Variants in TMEM50B observed in about 807,000 individuals in gnomAD.
The protein encoded by TMEM50B is HCV p7-trans-regulated protein 3.
In TMEM50B, 14 loss-of-function variants were observed where a neutral mutation model predicts 23.4. That is an observed-to-expected ratio of 0.60 (90% CI 0.39 to 0.93). The LOEUF (loss-of-function observed/expected upper bound fraction) is 0.93. Among genes scored for constraint, TMEM50B ranks in the 40% least tolerant of loss-of-function variants. The pLI, the probability that TMEM50B is intolerant of heterozygous loss-of-function variation, is 0.00. For missense variants in TMEM50B, 159 were observed against 193.0 expected, an observed-to-expected ratio of 0.82 and a Z score of 1.04; for synonymous variants, 64 against 62.3, an observed-to-expected ratio of 1.03 and a Z score of -0.13.
intron 1 of TMEM50B, chr21:33,478,999 G>A (rs1449611520): frequency 1.2e-5 from 4 of 322,408 alleles, no homozygotes; most frequent in Non-Finnish European, 2.4e-5. Flanking sequence ...CGTCCCGTCC[G>A]AGGCCTCCGC....
chr21:33,452,203 T>G (rs938695549), intron 6 of TMEM50B, among the ~76,000 whole-genome samples: 1 of 152,236 alleles, frequency 6.6e-6, no homozygotes, highest in Non-Finnish European at 1.5e-5. Flanking sequence ...GTCACATGTC[T>G]TTGACATATA....
intron 5 of TMEM50B, among the ~76,000 whole-genome samples, chr21:33,459,667 C>CA (rs34183635): frequency 0.69 from 85,870 of 123,892 alleles, 29,394 homozygotes; most frequent in African/African-American, 0.83. Context: ...GACTCCGTCT[C>CA]AAAAAAAAAA....
intron 6 of TMEM50B, among the ~76,000 whole-genome samples, chr21:33,453,963 G>T (rs977763707): frequency 6.6e-6 from 1 of 151,998 alleles, no homozygotes; most frequent in Non-Finnish European, 1.5e-5. Context: ...AATTAGCTGG[G>T]TGTGGCAGTG....
rs528677765 is a variant in TMEM50B, at chr21:33,440,340, C to T, written c.*2037-1043G>A. 1.8e-4 allele frequency among the ~76,000 whole-genome samples: 27 copies of T among 152,262 alleles called. No individual in the cohort carries two copies. In the East Asian group the frequency reaches 2.7e-3, roughly 15 times the overall value. On this transcript the variant is annotated intron_variant and NMD_transcript_variant, in intron 7 of 8. Coordinates refer to the TMEM50B transcript ENST00000420455. Reference sequence around the variant, plus strand: ...TAGTGGTTCACACCTGTAATCCCAGCACTTTGGGAGGCTGAGGTGGGCGGA... The same window carrying T: ...TAGTGGTTCACACCTGTAATCCCAGTACTTTGGGAGGCTGAGGTGGGCGGA...
chr21:33,463,094 A>T (rs2123439457), intron 4 of TMEM50B, among the ~76,000 whole-genome samples: 1 of 152,242 alleles, frequency 6.6e-6, no homozygotes, highest in East Asian at 1.9e-4. Flanking sequence ...GAGTTTGAGA[A>T]CAGCCTGGCC....
intron 3 of TMEM50B, among the ~76,000 whole-genome samples, 162 bp from the exon 4 acceptor site, chr21:33,465,571 A>G (rs2084258198): frequency 6.6e-6 from 1 of 152,266 alleles, no homozygotes; most frequent in Non-Finnish European, 1.5e-5. Flanking sequence ...GTTGATAGAA[A>G]TGTTACATTA....
rs1037025189 is a variant in TMEM50B at position 33,465,328 on chromosome 21, C to T, written c.280+14G>A. 1 of 1,608,972 alleles carries T rather than the reference C, an allele frequency of 6.2e-7. No homozygotes were observed. The highest frequency in any genetic ancestry group is 8.5e-7 in the Non-Finnish European group (1 of 1,176,630). ...GTTTTGTCAACACCCATTAACAGCT[C>T]AAAGTATCTTTACCTGTTCTTCCTA... On this transcript the variant is annotated intron_variant, in intron 4 of 6. Transcript: ENST00000542230.
rs756235961 is a variant in TMEM50B, at chr21:33,460,487, A to C, written c.299T>G (p.Phe100Cys). 2.5e-6 allele frequency: 4 copies of C among 1,611,240 alleles called. No individual in the cohort carries two copies. Among genetic ancestry groups the C allele is most frequent in the South Asian group, 1.1e-5 (1 of 90,526 alleles). The change falls in exon 5 of 7, where the codon TTC (phenylalanine) becomes TGC (cysteine). Residue 100 changes from phenylalanine (F) to cysteine (C), a missense_variant. By Grantham distance (205) the Phe-to-Cys change is radical (BLOSUM62 -2). Coordinates refer to ENST00000542230, the MANE Select transcript of TMEM50B (RefSeq NM_006134.7). Reference protein sequence around the residue: ...LGRTGARVWLFIGFMLMFGSL... With the variant: ...LGRTGARVWLCIGFMLMFGSL... ...CCCAAACATCAACATGAAACCAATG[A>C]AAAGCCAAACTCGAGCACCTGTGTA...
In TMEM50B at chr21:33,450,024, T is replaced by C. The variant is rs957186370; in HGVS notation, c.*794A>G. 1.3e-5 allele frequency: 2 copies of C among 152,410 alleles called. No homozygotes were observed. The highest frequency in any genetic ancestry group is 2.9e-5 in the Non-Finnish European group (2 of 68,038). 9.4% of individuals were successfully genotyped at this position (152,410 alleles called of 1,614,324 possible). A position where few individuals can be genotyped will look rare whatever the true frequency, so the allele number is the denominator to read the frequency against. On this transcript the variant is annotated 3_prime_UTR_variant, in exon 7 of 7. Transcript: ENST00000542230. ...CCTTTGGGCATTTAAAAAATCATTA[T>C]ATAAAAGTACACTTCTTCAATACAT... is the stretch of plus-strand genomic sequence containing the variant.
chr21:33,478,513 T>C (rs2084395093), intron 1 of TMEM50B, among the ~76,000 whole-genome samples: 1 of 152,136 alleles, frequency 6.6e-6, no homozygotes, highest in Admixed American at 6.6e-5. Flanking sequence ...ATAAATTCTT[T>C]ACCTTGGCCC....
At chr21:33,433,950 T>G (rs1018599808) in intron 8 of TMEM50B, among the ~76,000 whole-genome samples, 2 of 151,976 alleles carry the variant, frequency 1.3e-5, no homozygotes, top group South Asian at 2.1e-4. Context: ...GAGACAGTGA[T>G]CAGGAGCTTG....
At chr21:33,437,024 A>T (rs1020129200) in intron 8 of TMEM50B, 3 of 1,582,762 alleles carry the variant, frequency 1.9e-6, no homozygotes, top group Non-Finnish European at 2.6e-6. Context: ...GAGCTGCTAG[A>T]GTTCTGTCTG....
intron 1 of TMEM50B, among the ~76,000 whole-genome samples, chr21:33,477,199 G>A (rs925269619): frequency 6.6e-6 from 1 of 152,008 alleles, no homozygotes; most frequent in African/African-American, 2.4e-5. Flanking sequence ...GGAGGCTGAG[G>A]TGGGAGGATC....
At chr21:33,460,300 T>G in intron 5 of TMEM50B, 113 bp downstream of exon 5, 1 of 728,122 alleles carries the variant, frequency 1.4e-6, no homozygotes, top group Non-Finnish European at 2.5e-6. Flanking sequence ...CACAGAGCAG[T>G]ATCTTCAATC....
intron 8 of TMEM50B, among the ~76,000 whole-genome samples, chr21:33,435,291 T>C (rs2083934533): frequency 6.6e-6 from 1 of 152,184 alleles, no homozygotes; most frequent in South Asian, 2.1e-4. Context: ...GAGGAGTGCC[T>C]GAGACCAATG....
chr21:33,442,479 C>G (rs1321887375), intron 7 of TMEM50B, among the ~76,000 whole-genome samples: 4 of 151,960 alleles, frequency 2.6e-5, no homozygotes, highest in African/African-American at 7.3e-5. Context: ...CCTAGACATT[C>G]CTAAAAAATG....
At chr21:33,456,548 T>G (rs915599239) in intron 5 of TMEM50B, among the ~76,000 whole-genome samples, 3 of 152,248 alleles carry the variant, frequency 2.0e-5, no homozygotes, top group Non-Finnish European at 4.4e-5. Context: ...CTACAAATGT[T>G]GATTTAAAAA....
intron 7 of TMEM50B, among the ~76,000 whole-genome samples, chr21:33,440,012 C>T (rs2083994254): frequency 1.3e-5 from 2 of 152,050 alleles, no homozygotes; most frequent in African/African-American, 4.8e-5. Context: ...CACCTCTGCA[C>T]TCCAGCCTGG....
chr21:33,462,650 A>C (rs13049122), intron 4 of TMEM50B, among the ~76,000 whole-genome samples: 62,691 of 151,894 alleles, frequency 0.41, 14,989 homozygotes, highest in Non-Finnish European at 0.54. Flanking sequence ...CTAGCCTGGG[A>C]GACAGAGCAA....
Sources: gnomAD v4.1 joint callset for allele counts (sites outside exome capture counted in the v4.1 genomes callset) on GRCh38, gnomAD v4.1.1 for gene constraint, MANE v1.5 for transcripts, NCBI Gene and HGNC (gene_info 2026-07-23, HGNC 2026-07-21) for gene names.